The following MYO9A variants were observed in gnomAD, a reference collection of about 807,000 sequenced individuals.
MYO9A encodes myosin IXA.
Under a neutral mutation model 293.3 loss-of-function variants are expected in MYO9A, and 103 were observed. That is an observed-to-expected ratio of 0.35 (90% CI 0.30 to 0.41). MYO9A has a LOEUF of 0.41. Ranked by LOEUF, MYO9A falls within the 10% of genes least tolerant of loss-of-function variation. MYO9A has a pLI of 1.00. For synonymous variants in MYO9A, 1,001 were observed against 1,035.7 expected, an observed-to-expected ratio of 0.97 and a Z score of 0.64; for missense variants, 2,685 against 3,033.0, an observed-to-expected ratio of 0.89 and a Z score of 2.69.
At chr15:71,912,369 C>T (rs2057882487) in intron 19 of MYO9A, among the ~76,000 whole-genome samples, 1 of 152,032 alleles carries the variant, frequency 6.6e-6, no homozygotes, top group Non-Finnish European at 1.5e-5. Flanking sequence ...GATTCTCCTG[C>T]CTCAGCCTCC....
Position 71,880,345 on chromosome 15 carries a change from A to T in MYO9A, c.5612T>A (p.Leu1871His). Residue 1871 changes from leucine to histidine, a missense_variant, in exon 29 of 42, where the codon CTT (leucine) becomes CAT (histidine). Physicochemically the swap from Leu to His is moderately conservative, Grantham distance 99. Around this residue, in one of 10 missense-constraint regions of MYO9A, gnomAD observed 1,434 missense variants for 1,497.7 expected, o/e 0.96. Transcript: ENST00000356056. ...VSDLKSMDEF[L>H]LKKVNDLDNE... ...GCAAATAAAGTGTACCTTTTTCAGAAGAAATTCATCCATGCTTTTTAAATC... is the reference window on the plus strand; with the variant it reads ...GCAAATAAAGTGTACCTTTTTCAGATGAAATTCATCCATGCTTTTTAAATC... 1 of 1,614,142 alleles carries T rather than the reference A, an allele frequency of 6.2e-7. No individual in the cohort carries two copies. The highest frequency in any genetic ancestry group is 8.5e-7 in the Non-Finnish European group (1 of 1,179,962).
chr15:72,084,831 A>G (rs1217843059), intron 1 of MYO9A, among the ~76,000 whole-genome samples: 3 of 152,164 alleles, frequency 2.0e-5, no homozygotes, highest in Admixed American at 6.5e-5. Flanking sequence ...GAGGTCCACC[A>G]TTAGTCTGAT....
At chr15:71,851,170 C>A in intron 37 of MYO9A, 83 bp downstream of exon 37, 1 of 1,086,924 alleles carries the variant, frequency 9.2e-7, no homozygotes, top group South Asian at 1.5e-5. Flanking sequence ...ACCTGTCAGT[C>A]TTCCAAATGG....
chr15:71,922,465 C>T (rs536820128), intron 18 of MYO9A, among the ~76,000 whole-genome samples: 74 of 152,204 alleles, frequency 4.9e-4, no homozygotes, highest in African/African-American at 1.6e-3. Context: ...GCGGTGAGAT[C>T]ACTTGAAATT....
At chr15:72,045,266 AT>A (rs34691980) in intron 2 of MYO9A, 134,665 of 146,290 alleles carry the variant, frequency 0.92, 62,225 homozygotes, top group Non-Finnish European at 0.97. Context: ...TCCAAAGACA[AT>A]TTTTTTTTTT....
chr15:72,112,454 C>A (rs188261554), intron 1 of MYO9A, among the ~76,000 whole-genome samples: 1 of 152,178 alleles, frequency 6.6e-6, no homozygotes, highest in South Asian at 2.1e-4. Context: ...ACTCATAATT[C>A]ATAGGCCATT....
chr15:71,844,891 C>G (rs2055318090), intron 39 of MYO9A, among the ~76,000 whole-genome samples: 1 of 152,112 alleles, frequency 6.6e-6, no homozygotes, highest in Admixed American at 6.5e-5. Context: ...AGTCATGATA[C>G]TTTATGAAGA....
intron 1 of MYO9A, among the ~76,000 whole-genome samples, chr15:72,064,803 G>C (rs531613180): frequency 1.3e-5 from 2 of 152,250 alleles, no homozygotes; most frequent in South Asian, 4.1e-4. Flanking sequence ...ATGATCTACA[G>C]ATTCAGCACA....
In MYO9A at chr15:71,992,694, A is replaced by C. The variant is rs146645487; in HGVS notation, c.1588-1457T>G. Among the ~76,000 whole-genome samples, 58 of 152,232 alleles carry C rather than the reference A, an allele frequency of 3.8e-4. No individual in the cohort carries two copies. The East Asian group carries it at 9.8e-3, about 26-fold the overall frequency. ...ATTTTTAATCAGTCTGACAAGGTGG[A>C]CTAGTCCATGAAGGCTGCCCAGAAA... On this transcript the variant is annotated intron_variant, in intron 10 of 41. Transcript: ENST00000356056.
chr15:72,015,530 G>A (rs2077305640), intron 6 of MYO9A, among the ~76,000 whole-genome samples: 1 of 152,140 alleles, frequency 6.6e-6, no homozygotes, highest in Non-Finnish European at 1.5e-5. Context: ...TCCCTTTGCA[G>A]CATGGTGGAA....
At chr15:72,025,646 G>A (rs747774157) in intron 4 of MYO9A, among the ~76,000 whole-genome samples, 1 of 151,970 alleles carries the variant, frequency 6.6e-6, no homozygotes, top group East Asian at 1.9e-4. Context: ...CAGTGCACCC[G>A]GCCACAAAAA....
At chr15:71,943,610 C>T (rs1179771525) in intron 15 of MYO9A, among the ~76,000 whole-genome samples, 1 of 152,018 alleles carries the variant, frequency 6.6e-6, no homozygotes, top group Non-Finnish European at 1.5e-5. Context: ...AATGCATTCA[C>T]CACACTAATA....
intron 39 of MYO9A, among the ~76,000 whole-genome samples, chr15:71,839,706 G>A (rs2055076089): frequency 6.6e-6 from 1 of 152,098 alleles, no homozygotes; most frequent in Non-Finnish European, 1.5e-5. Flanking sequence ...TACTGTGCCT[G>A]GCCTGAATCG....
At chr15:71,956,944 G>A (rs2059216925) in intron 14 of MYO9A, among the ~76,000 whole-genome samples, 1 of 149,732 alleles carries the variant, frequency 6.7e-6, no homozygotes, top group African/African-American at 2.5e-5. Context: ...TTTCTTTTAT[G>A]GCCAAATAAC....
chr15:71,899,785 T>C lies in MYO9A; in HGVS notation c.3372A>G (p.Ala1124=), dbSNP rs754644565. 1.2e-6 allele frequency: 2 copies of C among 1,614,220 alleles called. No homozygotes were observed. The highest frequency in any genetic ancestry group is 1.7e-6 in the Non-Finnish European group (2 of 1,180,040). Reference sequence around the variant, plus strand: ...TACTTTCCCTGTAGGCTTTCCATCTTGCTTGTATGCAAATAGCAGCCATGT... The same window carrying C: ...TACTTTCCCTGTAGGCTTTCCATCTCGCTTGTATGCAAATAGCAGCCATGT... The part of the protein sequence containing the change: ...RRHMAAICIQ[A]RWKAYRESKR... Residue 1124 remains alanine (A), a synonymous_variant, in exon 24 of 42, where the codon GCA becomes GCG. Coordinates refer to ENST00000356056, the MANE Select transcript of MYO9A (RefSeq NM_006901.4).
chr15:72,004,637 T>C (rs2076966704), intron 8 of MYO9A, among the ~76,000 whole-genome samples: 2 of 152,212 alleles, frequency 1.3e-5, no homozygotes, highest in South Asian at 2.1e-4. Flanking sequence ...ATAAACCTGA[T>C]AAAAACTGAA....
intron 35 of MYO9A, among the ~76,000 whole-genome samples, chr15:71,853,944 ATCT>A (rs1228451098): frequency 2.0e-5 from 3 of 152,228 alleles, no homozygotes; most frequent in Non-Finnish European, 4.4e-5. Flanking sequence ...TTTGGGCAAG[ATCT>A]TCTGTAAGCC....
intron 25 of MYO9A, among the ~76,000 whole-genome samples, chr15:71,896,256 T>A (rs2057323670): frequency 6.6e-6 from 1 of 152,118 alleles, no homozygotes. Context: ...AATGTTTGGG[T>A]TATATATAAA....
intron 1 of MYO9A, 130 bp from the exon 2 acceptor site, chr15:72,046,764 C>G (rs2078397155): frequency 2.0e-6 from 1 of 493,966 alleles, no homozygotes; most frequent in Non-Finnish European, 3.4e-6. Context: ...TGTCTTAGCA[C>G]AGCAACAGTT....
Sources: allele counts gnomAD v4.1 joint callset (sites outside exome capture counted in the v4.1 genomes callset), GRCh38; gene constraint gnomAD v4.1.1; regional missense constraint gnomAD v4.1.1; transcripts MANE v1.5; gene names NCBI Gene and HGNC (gene_info 2026-07-23, HGNC 2026-07-21).